FAT1: variants seen among roughly 807,000 people sequenced by gnomAD.
FAT1 encodes the protein FAT atypical cadherin 1.
Under a neutral mutation model 329.8 loss-of-function variants are expected in FAT1, and 171 were observed. The ratio of observed to expected loss-of-function variants is 0.52; its 90% CI spans 0.46 to 0.59. FAT1 has a LOEUF of 0.59. Ranked by LOEUF, FAT1 falls within the 20% of genes least tolerant of loss-of-function variation. The probability of loss-of-function intolerance (pLI) is 0.00; values close to 1 mark genes in which losing one functional copy is unlikely to be tolerated. For missense variants in FAT1, 5,672 were observed against 5,774.4 expected (o/e 0.98, Z 0.57); for synonymous variants, 2,233 against 2,228.6 (o/e 1.00, Z -0.06).
intron 2 of FAT1, among the ~76,000 whole-genome samples, chr4:186,671,098 T>G (rs1308072166): frequency 6.6e-6 from 1 of 152,208 alleles, no homozygotes; most frequent in African/African-American, 2.4e-5. Context: ...GCTCATAATA[T>G]GTAGATTGTT....
chr4:186,657,593 T>C (rs1741963395), intron 3 of FAT1, among the ~76,000 whole-genome samples: 1 of 152,152 alleles, frequency 6.6e-6, no homozygotes, highest in Non-Finnish European at 1.5e-5. Context: ...AAAAGCTATG[T>C]GAAAGCTTAT....
Position 186,600,341 on chromosome 4 carries a change from T to C in FAT1, c.11660A>G (p.Gln3887Arg), listed in dbSNP as rs147863702. Reference protein sequence around the residue: ...SILEIHHGRLQYKFDCGSGPG... With the variant: ...SILEIHHGRLRYKFDCGSGPG... The stretch of plus-strand genomic sequence containing the variant: ...GCCACTTCCACAGTCAAACTTGTAC[T>C]GCAGCCTTCCATGATGAATCTAGGA... The change falls in exon 22 of 27, where the codon CAG (glutamine) becomes CGG (arginine). Residue 3887 changes from glutamine (Q) to arginine (R), a missense_variant. Physicochemically the swap from Gln to Arg is conservative, Grantham distance 43 (BLOSUM62 1). Coordinates refer to ENST00000441802, the MANE Select transcript of FAT1 (RefSeq NM_005245.4). 15 of 1,612,394 alleles carry C rather than the reference T, an allele frequency of 9.3e-6. No individual in the cohort carries two copies. The highest frequency in any genetic ancestry group is 1.3e-5 in the Non-Finnish European group (15 of 1,179,054).
In FAT1 at chr4:186,610,026, A is replaced by G; in HGVS notation, c.9854-11T>C. On this transcript the variant is annotated splice_polypyrimidine_tract_variant and intron_variant, in intron 14 of 26. Coordinates refer to ENST00000441802, the MANE Select transcript of FAT1 (RefSeq NM_005245.4). Reference sequence around the variant, plus strand: ...TGATAAATACGGCCCCTGAATAGAAATCAAAATTACTTCCAGCATTCTGCA... The same window carrying G: ...TGATAAATACGGCCCCTGAATAGAAGTCAAAATTACTTCCAGCATTCTGCA... The G allele has an allele frequency of 6.4e-7, 1 of 1,563,358 alleles. No homozygotes were observed. The highest frequency in any genetic ancestry group is 1.4e-5 in the African/African-American group (1 of 74,018).
At position 186,604,398 on chromosome 4, in the gene FAT1, A is replaced by ATCTT; in HGVS notation, c.10523_10526dup (p.Asp3509GlufsTer13). 1 of 1,613,570 alleles carries ATCTT rather than the reference A, an allele frequency of 6.2e-7. No homozygotes were observed. Among genetic ancestry groups the ATCTT allele is most frequent in the Non-Finnish European group, 8.5e-7 (1 of 1,179,728 alleles). On this transcript the variant is annotated frameshift_variant, in exon 18 of 27. Coordinates refer to ENST00000441802, the MANE Select transcript of FAT1 (RefSeq NM_005245.4). LOFTEE classifies it high-confidence loss of function. ...ATACCTTCACCTGCAGTAAGTAATGATCTTTCTCCTTCCTCTTGATGGCAG... is the reference window on the plus strand; with the variant it reads ...ATACCTTCACCTGCAGTAAGTAATGATCTTTCTTTCTCCTTCCTCTTGATGGCAG...
intron 9 of FAT1, among the ~76,000 whole-genome samples, chr4:186,622,276 C>A (rs183218046): frequency 6.6e-5 from 10 of 152,338 alleles, no homozygotes; most frequent in Admixed American, 2.6e-4. Context: ...ATGTGTGTAA[C>A]CCACCCCACT....
In FAT1 at chr4:186,606,029, T is replaced by C. The variant is rs375474032; in HGVS notation, c.10350+41A>G. On this transcript the variant is annotated intron_variant, in intron 17 of 26. Transcript: ENST00000441802. ...CAACAGAGGCCAATGGAAAAGCTCA[T>C]TTCAAAGAACCCCAGGACCACCTTG... is the stretch of plus-strand genomic sequence containing the variant. The C allele has an allele frequency of 1.9e-6, 3 of 1,584,162 alleles. No individual in the cohort carries two copies. In the African/African-American group the frequency reaches 4.1e-5, roughly 22 times the overall value.
chr4:186,724,354 A>G (rs1745632919), upstream of FAT1, among the ~76,000 whole-genome samples: 1 of 152,008 alleles, frequency 6.6e-6, no homozygotes, highest in Non-Finnish European at 1.5e-5. This position sits in a 1 kb window ranked among gnomAD's most constrained non-coding sequence, Gnocchi z 5.3. Flanking sequence ...CTCCAAAGGA[A>G]TGCAGCTAGG....
intron 3 of FAT1, among the ~76,000 whole-genome samples, chr4:186,656,282 G>A (rs182847055): frequency 2.6e-5 from 4 of 152,306 alleles, no homozygotes; most frequent in African/African-American, 4.8e-5. Context: ...TGAAAAGCAC[G>A]GTCCTGCACC....
intron 3 of FAT1, among the ~76,000 whole-genome samples, chr4:186,657,234 G>C (rs544552203): frequency 1.6e-4 from 25 of 152,316 alleles, no homozygotes; most frequent in Non-Finnish European, 3.1e-4. Context: ...CAATACAAAT[G>C]CCTATTACTA....
intron 2 of FAT1, among the ~76,000 whole-genome samples, chr4:186,684,430 G>A (rs1030645872): frequency 6.6e-6 from 1 of 152,100 alleles, no homozygotes; most frequent in Non-Finnish European, 1.5e-5. Context: ...ATTTCCTGTC[G>A]GCTCTCGTAG....
chr4:186,622,531 T>A (rs1359337714), intron 9 of FAT1, among the ~76,000 whole-genome samples: 2 of 152,206 alleles, frequency 1.3e-5, no homozygotes, highest in Non-Finnish European at 2.9e-5. Flanking sequence ...ACCAAAAATA[T>A]CTGGTTCCAA....
intron 2 of FAT1, among the ~76,000 whole-genome samples, chr4:186,696,124 G>A (rs1744024880): frequency 6.6e-6 from 1 of 152,068 alleles, no homozygotes; most frequent in African/African-American, 2.4e-5. Flanking sequence ...AAAAATTACT[G>A]ACCTTAAACT....
At chr4:186,621,953 C>G (rs997897056) in intron 9 of FAT1, among the ~76,000 whole-genome samples, 178 bp from the exon 10 acceptor site, 3 of 152,138 alleles carry the variant, frequency 2.0e-5, no homozygotes, top group Admixed American at 1.3e-4. Context: ...CCACCTAAAA[C>G]CAGGTATACT....
chr4:186,709,623 C>G lies in FAT1; in HGVS notation c.205G>C (p.Glu69Gln), dbSNP rs1407686216. ...MGVYITHPAW[E>Q]VRYKIVSGDS... ...CCGGAAACAATTTTGTACCTTACTT[C>G]CCACGCTGGATGTGTAATGTAAACA... is the stretch of plus-strand genomic sequence containing the variant. Residue 69 changes from glutamate to glutamine, a missense_variant, in exon 2 of 27, where the codon GAA becomes CAA. Around this residue, in one of 2 missense-constraint regions of FAT1, gnomAD observed 3,966 missense variants for 3,915.2 expected, o/e 1.01. Coordinates refer to ENST00000441802, the MANE Select transcript of FAT1 (RefSeq NM_005245.4). 4 of 1,613,826 alleles carry G rather than the reference C, an allele frequency of 2.5e-6. No individual in the cohort carries two copies. Among genetic ancestry groups the G allele is most frequent in the Non-Finnish European group, 3.4e-6 (4 of 1,179,892 alleles).
Position 186,707,495 on chromosome 4 carries a change from G to C in FAT1, c.2333C>G (p.Ser778Cys), listed in dbSNP as rs2126689007. 1 of 1,613,968 alleles carries C rather than the reference G, an allele frequency of 6.2e-7. No individual in the cohort carries two copies. The highest frequency in any genetic ancestry group is 8.5e-7 in the Non-Finnish European group (1 of 1,179,884). ...DMETGMLKIL[S>C]PLDRETTDKY... ...GTCTGTTGTTTCACGGTCAAGAGGAGATAAAATTTTCAGCATTCCTGTTTC... is the reference window on the plus strand; with the variant it reads ...GTCTGTTGTTTCACGGTCAAGAGGACATAAAATTTTCAGCATTCCTGTTTC... Residue 778 changes from serine to cysteine, a missense_variant, in exon 2 of 27, where the codon TCT (serine) becomes TGT (cysteine). Ser to Cys is a moderately radical substitution (Grantham distance 112). Coordinates refer to ENST00000441802, the MANE Select transcript of FAT1 (RefSeq NM_005245.4).
In FAT1 at chr4:186,613,334, T is replaced by G. The variant is rs771246171; in HGVS notation, c.9238A>C (p.Lys3080Gln). 6.2e-7 allele frequency: 1 copy of G among 1,613,574 alleles called. No homozygotes were observed. The highest frequency in any genetic ancestry group is 1.1e-5 in the South Asian group (1 of 91,066). Residue 3080 changes from lysine to glutamine, a missense_variant, in exon 13 of 27, where the codon AAA becomes CAA. Physicochemically the swap from Lys to Gln is moderately conservative, Grantham distance 53 (BLOSUM62 1). Coordinates refer to ENST00000441802, the MANE Select transcript of FAT1 (RefSeq NM_005245.4). ...TCACGATCAAGGGGGGTTGACGTTTTCAGTTCACCTACAAACAAAAACAAA... is the reference window on the plus strand; with the variant it reads ...TCACGATCAAGGGGGGTTGACGTTTGCAGTTCACCTACAAACAAAAACAAA... ...FKLNPDTGEL[K>Q]TSTPLDREEQ... is the part of the protein sequence containing the mutation.
At chr4:186,687,717 A>G (rs959380072) in intron 2 of FAT1, among the ~76,000 whole-genome samples, 4 of 152,204 alleles carry the variant, frequency 2.6e-5, no homozygotes, top group African/African-American at 9.7e-5. Context: ...TATTTCAGAT[A>G]AAGATGCTCA....
At position 186,588,016 on chromosome 4, in the gene FAT1, T is replaced by C. The variant is rs948599928; in HGVS notation, c.*576A>G. 1 of 217,188 alleles carries C rather than the reference T, an allele frequency of 4.6e-6. No individual in the cohort carries two copies. The highest frequency in any genetic ancestry group is 2.3e-5 in the African/African-American group (1 of 44,390). The allele number at this position is 217,188 out of a possible 1,614,324, so 13.5% of individuals were successfully genotyped here. ...GCAACCCATGTAAGACATGTTCATG[T>C]ATCTGATCTCTCCTTCATCCTATGT... On this transcript the variant is annotated 3_prime_UTR_variant, in exon 27 of 27. Transcript: ENST00000441802.
rs771725752 is a variant in FAT1 at position 186,617,871 on chromosome 4, A to T, written c.8715T>A (p.Asp2905Glu). The T allele has an allele frequency of 1.2e-5, 20 of 1,614,022 alleles. No individual in the cohort carries two copies. The South Asian group carries it at 2.2e-4, about 18-fold the overall frequency. Residue 2905 changes from aspartate (D) to glutamate (E), a missense_variant, in exon 10 of 27, where the codon GAT becomes GAA. Physicochemically the swap from Asp to Glu is conservative, Grantham distance 45. This residue lies in a region of FAT1 where 3,966 missense variants were observed against 3,915.2 expected (regional missense o/e 1.01). Transcript: ENST00000441802. ...KIQLSSTAIV[D>E]VTVTDVNDSP... ...TATCGTTGACATCGGTGACGGTAAC[A>T]TCCACAATGGCTGTGGAGGATAGCT...
Sources: gnomAD v4.1 joint callset for allele counts (sites outside exome capture counted in the v4.1 genomes callset) on GRCh38, gnomAD v4.1.1 for gene constraint, gnomAD v4.1.1 regional missense constraint, Gnocchi (gnomAD v3.1) non-coding constraint, MANE v1.5 for transcripts, NCBI Gene and HGNC (gene_info 2026-07-23, HGNC 2026-07-21) for gene names.